Variants in DLG2 observed in about 807,000 individuals in gnomAD.
DLG2 encodes the protein discs large MAGUK scaffold protein 2.
In DLG2, 45 loss-of-function variants were observed where a neutral mutation model predicts 132.5. That is an observed-to-expected ratio of 0.34 (90% CI 0.27 to 0.44). The LOEUF is 0.44. Among genes scored for constraint, DLG2 ranks in the 20% least tolerant of loss-of-function variants. DLG2 has a pLI of 1.00. For missense variants in DLG2, 1,045 were observed against 1,196.9 expected (o/e 0.87, Z 1.87); for synonymous variants, 424 against 419.6 (o/e 1.01, Z -0.13).
At chr11:84,739,470 C>T (rs1191964665) in intron 6 of DLG2, among the ~76,000 whole-genome samples, 1 of 152,158 alleles carries the variant, frequency 6.6e-6, no homozygotes, top group Non-Finnish European at 1.5e-5. Context: ...CAAGATCACT[C>T]AGACAACTAC....
intron 9 of DLG2, among the ~76,000 whole-genome samples, chr11:84,111,687 G>A (rs1192399032): frequency 6.6e-6 from 1 of 152,158 alleles, no homozygotes; most frequent in Non-Finnish European, 1.5e-5. Context: ...CCTGCTATCT[G>A]TTCAACATTG....
chr11:84,762,479 A>G (rs141255212), intron 6 of DLG2, among the ~76,000 whole-genome samples: 1 of 152,326 alleles, frequency 6.6e-6, no homozygotes, highest in African/African-American at 2.4e-5. Context: ...CTCCCAAAGG[A>G]TAGGAGCTTA....
At chr11:84,855,133 C>T (rs1225430310) in intron 6 of DLG2, among the ~76,000 whole-genome samples, 1 of 152,096 alleles carries the variant, frequency 6.6e-6, no homozygotes, top group South Asian at 2.1e-4. Flanking sequence ...GAGGCCTGAG[C>T]TTCAACTGGC....
At chr11:85,536,429 C>T (rs1271081221) in intron 3 of DLG2, among the ~76,000 whole-genome samples, 1 of 152,178 alleles carries the variant, frequency 6.6e-6, no homozygotes, top group African/African-American at 2.4e-5. Context: ...GTCATAGAAA[C>T]TAGAACTAGA....
At chr11:85,195,762 G>A (rs1168887034) in intron 4 of DLG2, among the ~76,000 whole-genome samples, 4 of 151,984 alleles carry the variant, frequency 2.6e-5, no homozygotes, top group Non-Finnish European at 5.9e-5. Flanking sequence ...TTCTGACCTC[G>A]TGATCCGCCC....
intron 6 of DLG2, among the ~76,000 whole-genome samples, chr11:84,947,251 T>C (rs1017027311): frequency 1.3e-5 from 2 of 152,182 alleles, no homozygotes; most frequent in African/African-American, 4.8e-5. Context: ...TTGGTCAATG[T>C]GTTGTTCCTT....
At chr11:84,124,912 G>A (rs890276863) in intron 9 of DLG2, among the ~76,000 whole-genome samples, 19 of 146,668 alleles carry the variant, frequency 1.3e-4, no homozygotes, top group African/African-American at 3.8e-4. Context: ...GTGCAATGGC[G>A]TGATCTTGGC....
intron 6 of DLG2, among the ~76,000 whole-genome samples, chr11:84,898,784 G>T (rs1310288834): frequency 6.6e-6 from 1 of 151,744 alleles, no homozygotes; most frequent in African/African-American, 2.4e-5. Flanking sequence ...ATCTTCCATG[G>T]CCCAGCTTAA....
chr11:83,693,427 G>A (rs755795445), intron 18 of DLG2, among the ~76,000 whole-genome samples: 35 of 152,144 alleles, frequency 2.3e-4, no homozygotes, highest in Non-Finnish European at 4.0e-4. Context: ...CAAATGAACA[G>A]CAGGCAACAC....
At chr11:85,149,064 T>C (rs908981261) in intron 5 of DLG2, among the ~76,000 whole-genome samples, 3 of 152,170 alleles carry the variant, frequency 2.0e-5, no homozygotes, top group South Asian at 2.1e-4. Flanking sequence ...GTTGTAGATA[T>C]GTGGTGTTGT....
At chr11:84,261,616 G>T (rs906475119) in intron 7 of DLG2, among the ~76,000 whole-genome samples, 1 of 152,088 alleles carries the variant, frequency 6.6e-6, no homozygotes, top group African/African-American at 2.4e-5. Context: ...TATACATGTT[G>T]ATAGCTAATT....
chr11:84,573,794 C>T (rs1464883666), intron 6 of DLG2, among the ~76,000 whole-genome samples: 1 of 152,132 alleles, frequency 6.6e-6, no homozygotes, highest in Non-Finnish European at 1.5e-5. Context: ...CCCATTTCTC[C>T]TAGCATTTCT....
At chr11:85,429,236 C>T (rs1214952163) in intron 3 of DLG2, among the ~76,000 whole-genome samples, 3 of 152,100 alleles carry the variant, frequency 2.0e-5, no homozygotes, top group Admixed American at 1.3e-4. Flanking sequence ...TGAAACTATT[C>T]CAATCAGAAA....
chr11:84,598,343 T>C (rs886208626), intron 6 of DLG2, among the ~76,000 whole-genome samples: 3 of 152,192 alleles, frequency 2.0e-5, no homozygotes, highest in African/African-American at 7.2e-5. Flanking sequence ...ATGCCCAAGC[T>C]GCAATATGGA....
At chr11:85,179,014 C>A (rs1345096571) in intron 4 of DLG2, among the ~76,000 whole-genome samples, 2 of 151,772 alleles carry the variant, frequency 1.3e-5, no homozygotes, top group African/African-American at 4.8e-5. Flanking sequence ...AAAAAGCTTT[C>A]TAAGAGGCAG....
intron 7 of DLG2, among the ~76,000 whole-genome samples, chr11:84,505,389 T>C (rs2099236166): frequency 6.6e-6 from 1 of 152,208 alleles, no homozygotes; most frequent in South Asian, 2.1e-4. Flanking sequence ...AAGTGCTTTC[T>C]CCATTTTTGT....
chr11:85,618,109 T>C (rs1263218082), intron 2 of DLG2, among the ~76,000 whole-genome samples: 2 of 152,138 alleles, frequency 1.3e-5, no homozygotes, highest in African/African-American at 4.8e-5. Context: ...AGCTTATTAG[T>C]TGGAATTCAG....
At position 85,331,667 on chromosome 11, in the gene DLG2, G is replaced by T. The variant is rs574809286; in HGVS notation, c.41-46302C>A. Among the ~76,000 whole-genome samples, 22 of 152,224 alleles carry T rather than the reference G, an allele frequency of 1.4e-4. No individual in the cohort carries two copies. The East Asian group carries it at 3.5e-3, about 24-fold the overall frequency. ...CCCGGTGGCTATGATTCCCCTCTTT[G>T]TATCCATGTGTACTTAAAGTTTAGC... On this transcript the variant is annotated intron_variant, in intron 3 of 27. Coordinates refer to ENST00000376104, the MANE Select transcript of DLG2 (RefSeq NM_001142699.3).
At chr11:85,521,453 C>G (rs369651154) in intron 3 of DLG2, among the ~76,000 whole-genome samples, 1 of 152,206 alleles carries the variant, frequency 6.6e-6, no homozygotes, top group South Asian at 2.1e-4. Context: ...ATAAATTACC[C>G]AGTCCCAGGC....
Sources: allele counts gnomAD v4.1 joint callset (sites outside exome capture counted in the v4.1 genomes callset), GRCh38; gene constraint gnomAD v4.1.1; transcripts MANE v1.5; gene names NCBI Gene and HGNC (gene_info 2026-07-23, HGNC 2026-07-21).